FBN3: variants seen among roughly 807,000 people sequenced by gnomAD.
The protein encoded by FBN3 is fibrillin-3.
FBN3 carries 234 observed loss-of-function variants against 330.1 expected under a neutral mutation model. That is an observed-to-expected ratio of 0.71 (90% CI 0.64 to 0.79). The LOEUF (loss-of-function observed/expected upper bound fraction) is 0.79, where lower values mean the gene tolerates loss of function less well. Ranked by LOEUF, FBN3 falls within the 30% of genes least tolerant of loss-of-function variation. The pLI is 0.00. For missense variants in FBN3, 3,606 were observed against 3,886.9 expected (o/e 0.93, Z 1.92); for synonymous variants, 1,458 against 1,517.3 (o/e 0.96, Z 0.91).
At chr19:8,147,984 G>A (rs1158049637) in intron 1 of FBN3, among the ~76,000 whole-genome samples, 3 of 152,054 alleles carry the variant, frequency 2.0e-5, no homozygotes, top group Non-Finnish European at 4.4e-5. Context: ...GGGAGAGAGA[G>A]GAGAGGAATG....
At position 8,138,225 on chromosome 19, in the gene FBN3, G is replaced by A. The variant is rs2083331333; in HGVS notation, c.1117C>T (p.Pro373Ser). The part of the protein sequence containing the change: ...LLGFGSNGMG[P>S]PLGPARLNPH... ...TTGAGTCGCGCTGGCCCAAGAGGGG[G>A]ACCCATGCCATTGGATCCGAAGCCC... Residue 373 changes from proline to serine, a missense_variant, in exon 10 of 64, where the codon CCC becomes TCC. Coordinates refer to ENST00000600128, the MANE Select transcript of FBN3 (RefSeq NM_032447.5). 1 of 1,611,958 alleles carries A rather than the reference G, an allele frequency of 6.2e-7. No individual in the cohort carries two copies. Among genetic ancestry groups the A allele is most frequent in the Non-Finnish European group, 8.5e-7 (1 of 1,179,432 alleles).
chr19:8,082,456 CCCTTCCTTCCTTCCTT>C (rs201197502), intron 57 of FBN3, among the ~76,000 whole-genome samples: 47 of 136,246 alleles, frequency 3.4e-4, no homozygotes, highest in East Asian at 2.2e-3. Context: ...TCCTTCCCTT[CCCTTCCTTCCTTCCTT>C]CCTTCCTTCC....
intron 13 of FBN3, 25 bp downstream of exon 13, chr19:8,135,936 G>GGGGGGGGGGGGC: frequency 1.3e-5 from 9 of 668,756 alleles, no homozygotes; most frequent in Non-Finnish European, 2.2e-5. Flanking sequence ...GGAAGCCCCT[G>GGGGGGGGGGGGC]CCCACCCGCC....
chr19:8,069,269 T>C (rs899426750), intron 63 of FBN3, among the ~76,000 whole-genome samples: 1 of 152,178 alleles, frequency 6.6e-6, no homozygotes, highest in Non-Finnish European at 1.5e-5. Context: ...CTGAAGTGCC[T>C]TCCTGGTCTT....
rs1460268069 is a variant in FBN3, at chr19:8,109,371, A to G, written c.4474T>C (p.Cys1492Arg). 6.2e-7 allele frequency: 1 copy of G among 1,614,162 alleles called. No individual in the cohort carries two copies. The highest frequency in any genetic ancestry group is 8.5e-7 in the Non-Finnish European group (1 of 1,180,012). ...CCTCGGTCATGCGTCTCCAGGAAAC[A>G]GTTCCCGGCCCGAGTGTCTGAACAG... Reference protein sequence around the residue: ...VGCVDTRAGNCFLETHDRGDS... With the variant: ...VGCVDTRAGNRFLETHDRGDS... The change falls in exon 36 of 64, where the codon TGT becomes CGT. Residue 1492 changes from cysteine (C) to arginine (R), a missense_variant. By Grantham distance (180) the Cys-to-Arg change is radical (BLOSUM62 -3). Transcript: ENST00000600128. The surrounding 1 kb of genome is among the most constrained non-coding windows in gnomAD (Gnocchi z 5.2).
intron 47 of FBN3, 125 bp downstream of exon 47, chr19:8,094,321 G>T: frequency 9.9e-7 from 1 of 1,007,276 alleles, no homozygotes. Context: ...TTATGAAGCT[G>T]TGTTTGACGC....
At chr19:8,147,557 C>T in intron 1 of FBN3, 60 bp from the exon 2 acceptor site, 1 of 1,360,334 alleles carries the variant, frequency 7.4e-7, no homozygotes, top group Non-Finnish European at 9.6e-7. Flanking sequence ...ATGGGGGACC[C>T]AACACAACGA....
rs754635573 is a variant in FBN3 at position 8,096,611 on chromosome 19, C to T, written c.5414-42G>A. The T allele has an allele frequency of 1.3e-6, 2 of 1,568,046 alleles. No individual in the cohort carries two copies. The highest frequency in any genetic ancestry group is 1.8e-5 in the Admixed American group (1 of 56,874). Reference sequence around the variant, plus strand: ...CATGGTGTTCCCAGGGCTCCTACCACAGTGTTTGCCTGAGCTCTCCCTACT... The same window carrying T: ...CATGGTGTTCCCAGGGCTCCTACCATAGTGTTTGCCTGAGCTCTCCCTACT... On this transcript the variant is annotated intron_variant, in intron 43 of 63. Transcript: ENST00000600128. The surrounding 1 kb of genome is among the most constrained non-coding windows in gnomAD (Gnocchi z 4.6).
At chr19:8,071,966 C>T in intron 63 of FBN3, 82 bp downstream of exon 63, 4 of 1,403,354 alleles carry the variant, frequency 2.9e-6, no homozygotes, top group Non-Finnish European at 3.8e-6. Flanking sequence ...GGGGGGCTGA[C>T]ATGACTAAGT....
Position 8,115,622 on chromosome 19 carries a change from A to G in FBN3, c.3731T>C (p.Leu1244Pro). The change falls in exon 30 of 64, where the codon CTG becomes CCG. Residue 1244 changes from leucine (L) to proline (P), a missense_variant. Physicochemically the swap from Leu to Pro is moderately conservative, Grantham distance 98 (BLOSUM62 -3). Coordinates refer to ENST00000600128, the MANE Select transcript of FBN3 (RefSeq NM_032447.5). ...RTCVDVDECD[L>P]NPHICLHGDC... is the part of the protein sequence containing the mutation. Reference sequence around the variant, plus strand: ...CCCATGGAGGCAGATGTGAGGGTTCAGGTCACACTCATCCACATCTGTTGG... The same window carrying G: ...CCCATGGAGGCAGATGTGAGGGTTCGGGTCACACTCATCCACATCTGTTGG... 1 of 1,613,970 alleles carries G rather than the reference A, an allele frequency of 6.2e-7. No individual in the cohort carries two copies.
At position 8,109,268 on chromosome 19, in the gene FBN3, G is replaced by A. The variant is rs1568406947; in HGVS notation, c.4577C>T (p.Ala1526Val). 1.2e-6 allele frequency: 2 copies of A among 1,614,202 alleles called. No individual in the cohort carries two copies. ...GCACAGCTCACAGGGATTGCCCCAA[G>A]CCCGGCCCAGGGAGCAACAGCAGGA... is the stretch of plus-strand genomic sequence containing the variant. ...RASCCCSLGR[A>V]WGNPCELCPM... Residue 1526 changes from alanine (A) to valine (V), a missense_variant, in exon 36 of 64, where the codon GCT (alanine) becomes GTT (valine). By Grantham distance (64) the Ala-to-Val change is moderately conservative (BLOSUM62 0). Coordinates refer to ENST00000600128, the MANE Select transcript of FBN3 (RefSeq NM_032447.5). This position sits in a 1 kb window ranked among gnomAD's most constrained non-coding sequence, Gnocchi z 5.2.
chr19:8,112,689 C>T (rs549761712), intron 30 of FBN3, among the ~76,000 whole-genome samples: 81 of 152,138 alleles, frequency 5.3e-4, no homozygotes, highest in African/African-American at 1.8e-3. Context: ...AGTGACTGTC[C>T]GTATGAACAC....
intron 9 of FBN3, 22 bp downstream of exon 9, chr19:8,138,390 G>T: frequency 6.2e-7 from 1 of 1,610,278 alleles, no homozygotes. Context: ...CCACAGCCCT[G>T]CAGGCTGCAG....
At chr19:8,071,957 G>T (rs1286717816) in intron 63 of FBN3, 91 bp downstream of exon 63, 2 of 1,325,020 alleles carry the variant, frequency 1.5e-6, no homozygotes, top group Non-Finnish European at 2.1e-6. Context: ...TCCTTCTTGG[G>T]GGGGCTGACA....
Position 8,125,946 on chromosome 19 carries a change from G to T in FBN3, c.2677C>A (p.Arg893Ser). 5 of 1,613,882 alleles carry T rather than the reference G, an allele frequency of 3.1e-6. No individual in the cohort carries two copies. Among genetic ancestry groups the T allele is most frequent in the Non-Finnish European group, 4.2e-6 (5 of 1,180,010 alleles). The change falls in exon 22 of 64, where the codon CGC becomes AGC. Residue 893 changes from arginine to serine, a missense_variant. Transcript: ENST00000600128. ...ATCAGGCCCTCTGGACACTCACAGC[G>T]GAAAGACCCAGCAGTGTTGACGCAA... Reference protein sequence around the residue: ...GRCVNTAGSFRCECPEGLMLD... With the variant: ...GRCVNTAGSFSCECPEGLMLD...
At chr19:8,140,432 C>T (rs2083385688) in intron 8 of FBN3, among the ~76,000 whole-genome samples, 1 of 152,096 alleles carries the variant, frequency 6.6e-6, no homozygotes. Flanking sequence ...CCATTGCACT[C>T]CAGCCTGGGG....
rs995723550 is a variant in FBN3, at chr19:8,109,799, C to T, written c.4334-46G>A. The T allele has an allele frequency of 9.7e-6, 14 of 1,443,456 alleles. No individual in the cohort carries two copies. The highest frequency in any genetic ancestry group is 1.9e-4 in the Middle Eastern group (1 of 5,350). The allele number at this position is 1,443,456 out of a possible 1,614,324, so 89.4% of individuals were successfully genotyped here. ...CCTCAGCAGGGAGCCCCTTCCTCGG[C>T]CCCCCTCCCTCCTAGCTTCATCCTG... is the stretch of plus-strand genomic sequence containing the variant. On this transcript the variant is annotated intron_variant, in intron 34 of 63. Transcript: ENST00000600128. This position sits in a 1 kb window ranked among gnomAD's most constrained non-coding sequence, Gnocchi z 5.2.
chr19:8,131,136 G>C lies in FBN3; in HGVS notation c.2044+99C>G. Reference sequence around the variant, plus strand: ...CGTCTGGTCTGGGGCACTTTGTTACGGGAACCCCGGGCCAACTCCTACAGC... The same window carrying C: ...CGTCTGGTCTGGGGCACTTTGTTACCGGAACCCCGGGCCAACTCCTACAGC... On this transcript the variant is annotated intron_variant, in intron 16 of 63. Coordinates refer to ENST00000600128, the MANE Select transcript of FBN3 (RefSeq NM_032447.5). This position sits in a 1 kb window ranked among gnomAD's most constrained non-coding sequence, Gnocchi z 4.5. 1 of 1,163,642 alleles carries C rather than the reference G, an allele frequency of 8.6e-7. No homozygotes were observed. Among genetic ancestry groups the C allele is most frequent in the Non-Finnish European group, 1.2e-6 (1 of 815,812 alleles). 72.1% of individuals were successfully genotyped at this position (1,163,642 alleles called of 1,614,324 possible).
At position 8,145,890 on chromosome 19, in the gene FBN3, G is replaced by A. The variant is rs2083531175; in HGVS notation, c.398C>T (p.Ala133Val). The change falls in exon 5 of 64, where the codon GCG (alanine) becomes GTG (valine). Residue 133 changes from alanine to valine, a missense_variant. Coordinates refer to ENST00000600128, the MANE Select transcript of FBN3 (RefSeq NM_032447.5). ...SCMNGGTCRG[A>V]SCLCQKGYTG... is the part of the protein sequence containing the mutation. ...GTAGCCCTTCTGACACAGACAGGAC[G>A]CCCCCCGGCAGGTGCCCCCATTCAT... 7 of 1,551,014 alleles carry A rather than the reference G, an allele frequency of 4.5e-6. No individual in the cohort carries two copies. The highest frequency in any genetic ancestry group is 6.1e-6 in the Non-Finnish European group (7 of 1,146,978).
Sources: gnomAD v4.1 joint callset for allele counts (sites outside exome capture counted in the v4.1 genomes callset) on GRCh38, gnomAD v4.1.1 for gene constraint, Gnocchi (gnomAD v3.1) non-coding constraint, MANE v1.5 for transcripts, NCBI Gene and HGNC (gene_info 2026-07-23, HGNC 2026-07-21) for gene names.